Variants in PVT1 observed in about 807,000 individuals in gnomAD.
PVT1 encodes the protein CXCR4/PVT1 fusion.
chr8:128,060,360 G>A (rs947374240), intron 4 of PVT1, among the ~76,000 whole-genome samples: 3 of 152,230 alleles, frequency 2.0e-5, no homozygotes, highest in Admixed American at 6.5e-5. Flanking sequence ...CCTGCTAAAC[G>A]CAGGGCCAGA....
intron 2 of PVT1, among the ~76,000 whole-genome samples, chr8:127,837,936 T>A (rs951312829): frequency 6.6e-6 from 1 of 151,934 alleles, no homozygotes; most frequent in Non-Finnish European, 1.5e-5. Flanking sequence ...TCACTCTTGT[T>A]GCCCAGGCCG....
intron 3 of PVT1, among the ~76,000 whole-genome samples, chr8:127,953,358 G>A (rs1038482649): frequency 1.1e-4 from 17 of 152,160 alleles, no homozygotes; most frequent in African/African-American, 4.1e-4. Flanking sequence ...GGAGATATCA[G>A]CCTGTAGATT....
At chr8:128,088,662 T>C (rs569751555) in intron 5 of PVT1, among the ~76,000 whole-genome samples, 2 of 152,328 alleles carry the variant, frequency 1.3e-5, no homozygotes, top group South Asian at 4.1e-4. Context: ...GTGACGAATG[T>C]TGCATGTGCA....
At chr8:128,097,781 A>G (rs905445159) in intron 6 of PVT1, among the ~76,000 whole-genome samples, 1 of 152,178 alleles carries the variant, frequency 6.6e-6, no homozygotes, top group African/African-American at 2.4e-5. Flanking sequence ...CAGAGTCCAT[A>G]CTTCCTAGCT....
chr8:127,879,870 C>T (rs1429000786), intron 2 of PVT1, among the ~76,000 whole-genome samples: 1 of 152,224 alleles, frequency 6.6e-6, no homozygotes, highest in African/African-American at 2.4e-5. Context: ...CCCAGCGCAC[C>T]CTTCTCATGG....
At chr8:127,827,159 C>T (rs918704439) in intron 2 of PVT1, among the ~76,000 whole-genome samples, 22 of 152,172 alleles carry the variant, frequency 1.4e-4, no homozygotes, top group African/African-American at 5.3e-4. Flanking sequence ...CCATGCCCAG[C>T]TAATTTTGTG....
chr8:128,070,070 C>T (rs1813965609), intron 4 of PVT1: 1 of 152,080 alleles, frequency 6.6e-6, no homozygotes, highest in Admixed American at 6.5e-5. Context: ...CTGTCTTGTT[C>T]TGATTGGGTA....
chr8:127,846,848 T>G (rs550616878), intron 2 of PVT1, among the ~76,000 whole-genome samples: 57 of 151,930 alleles, frequency 3.8e-4, no homozygotes, highest in African/African-American at 1.3e-3. Flanking sequence ...ATTTTTTTTT[T>G]TTTTGTATTT....
At chr8:127,894,673 C>G (rs186938462) in intron 3 of PVT1, among the ~76,000 whole-genome samples, 1 of 152,242 alleles carries the variant, frequency 6.6e-6, no homozygotes, top group Admixed American at 6.5e-5. Flanking sequence ...GCAGATGATA[C>G]TGCTTAGGAT....
At chr8:127,839,292 AT>A (rs1429427434) in intron 2 of PVT1, among the ~76,000 whole-genome samples, 1 of 152,166 alleles carries the variant, frequency 6.6e-6, no homozygotes, top group East Asian at 1.9e-4. Flanking sequence ...CGTGCCTGTA[AT>A]TCCAGCACTT....
intron 3 of PVT1, among the ~76,000 whole-genome samples, chr8:127,905,103 C>T (rs909580334): frequency 6.6e-6 from 1 of 152,234 alleles, no homozygotes; most frequent in Non-Finnish European, 1.5e-5. Context: ...AAAAGTTTCT[C>T]TCTCCCCTGC....
intron 2 of PVT1, among the ~76,000 whole-genome samples, chr8:127,875,665 A>G (rs1422587970): frequency 1.3e-5 from 2 of 152,142 alleles, no homozygotes; most frequent in Non-Finnish European, 2.9e-5. Flanking sequence ...GACAAAGGGA[A>G]GTTCCTAGTT....
chr8:128,056,616 C>T (rs1465737483), intron 4 of PVT1, among the ~76,000 whole-genome samples: 1 of 152,102 alleles, frequency 6.6e-6, no homozygotes, highest in Non-Finnish European at 1.5e-5. Flanking sequence ...ACTGGGACCT[C>T]CCGAGGCCAA....
At chr8:127,895,302 C>T (rs1423161261) in intron 3 of PVT1, among the ~76,000 whole-genome samples, 1 of 152,146 alleles carries the variant, frequency 6.6e-6, no homozygotes, top group Non-Finnish European at 1.5e-5. Flanking sequence ...GAAACCCCAT[C>T]ACTACTAAAA....
chr8:128,032,720 CTGATG>C (rs1389905495), intron 4 of PVT1, among the ~76,000 whole-genome samples: 1 of 152,224 alleles, frequency 6.6e-6, no homozygotes, highest in East Asian at 1.9e-4. Flanking sequence ...TGCCTGGTGG[CTGATG>C]TGATTTTGCT....
chr8:127,995,764 A>T (rs1362527050), intron 4 of PVT1, among the ~76,000 whole-genome samples: 2 of 152,136 alleles, frequency 1.3e-5, no homozygotes, highest in African/African-American at 4.8e-5. Context: ...ACATTATATG[A>T]TGTCATTTAC....
chr8:128,095,190 C>T (rs1177093998), intron 5 of PVT1, among the ~76,000 whole-genome samples: 1 of 152,114 alleles, frequency 6.6e-6, no homozygotes, highest in African/African-American at 2.4e-5. Context: ...TGAAAAGAAC[C>T]GAGATTTGGA....
intron 4 of PVT1, among the ~76,000 whole-genome samples, chr8:128,069,154 C>A (rs554907080): frequency 6.6e-6 from 1 of 152,160 alleles, no homozygotes; most frequent in Non-Finnish European, 1.5e-5. Flanking sequence ...TAAGGTATTG[C>A]GTCCTTCCTG....
intron 4 of PVT1, among the ~76,000 whole-genome samples, chr8:128,050,207 G>C (rs746560459): frequency 6.6e-6 from 1 of 152,126 alleles, no homozygotes; most frequent in Admixed American, 6.5e-5. Context: ...CCTTCCTGTT[G>C]GTGCCCACTC....
Sources: allele counts gnomAD v4.1 joint callset (sites outside exome capture counted in the v4.1 genomes callset), GRCh38; gene constraint gnomAD v4.1.1; transcripts MANE v1.5; gene names NCBI Gene and HGNC (gene_info 2026-07-23, HGNC 2026-07-21).